The following XXYLT1 variants were observed in gnomAD, a reference collection of about 807,000 sequenced individuals.
The protein encoded by XXYLT1 is xyloside xylosyltransferase 1.
A neutral mutation model predicts 28.9 loss-of-function variants in XXYLT1; 20 were observed. That is an observed-to-expected ratio of 0.69 (90% CI 0.49 to 1.00). XXYLT1 has a LOEUF of 1.00. Among genes scored for constraint, XXYLT1 ranks in the 50% least tolerant of loss-of-function variants. XXYLT1 has a pLI of 0.00. For synonymous variants in XXYLT1, 257 were observed against 253.8 expected, an observed-to-expected ratio of 1.01 and a Z score of -0.12; for missense variants, 542 against 560.1, an observed-to-expected ratio of 0.97 and a Z score of 0.33.
chr3:195,224,711 C>T (rs1329568429), intron 2 of XXYLT1, among the ~76,000 whole-genome samples: 1 of 152,134 alleles, frequency 6.6e-6, no homozygotes, highest in Non-Finnish European at 1.5e-5. Flanking sequence ...GGAGGGCAGG[C>T]GTGCCTCCCC....
intron 2 of XXYLT1, among the ~76,000 whole-genome samples, chr3:195,205,094 T>C (rs1362868507): frequency 6.6e-6 from 1 of 152,242 alleles, no homozygotes; most frequent in Non-Finnish European, 1.5e-5. Flanking sequence ...TGCCAAACTC[T>C]GGCAAATCGC....
In XXYLT1 at chr3:195,249,590, G is replaced by A. The variant is rs143807289; in HGVS notation, c.504+20965C>T. On this transcript the variant is annotated intron_variant, in intron 1 of 3. Transcript: ENST00000310380. ...CCAGAGAGGGGAAGGTCCCTGCCCA[G>A]GGTGACTAGGTCGATGGCCAAAGCC... Among the ~76,000 whole-genome samples the A allele has an allele frequency of 3.4e-3, 521 of 152,338 alleles. 3 individuals are homozygous for A. Among genetic ancestry groups the A allele is most frequent in the African/African-American group, 0.012 (484 of 41,580 alleles).
At chr3:195,249,074 G>T (rs1725148870) in intron 1 of XXYLT1, among the ~76,000 whole-genome samples, 1 of 152,236 alleles carries the variant, frequency 6.6e-6, no homozygotes, top group African/African-American at 2.4e-5. Context: ...ATGCAGGAAG[G>T]AAACATGCAG....
chr3:195,163,005 T>C (rs1720950691), intron 2 of XXYLT1, among the ~76,000 whole-genome samples: 1 of 151,864 alleles, frequency 6.6e-6, no homozygotes, highest in Non-Finnish European at 1.5e-5. Flanking sequence ...TTTTTTTTTG[T>C]CTCTAAAAGC....
At chr3:195,079,039 G>A (rs147365827) in intron 3 of XXYLT1, among the ~76,000 whole-genome samples, 3 of 152,300 alleles carry the variant, frequency 2.0e-5, no homozygotes, top group Non-Finnish European at 4.4e-5. Context: ...CTGCTCATCA[G>A]ACCCTTGGAA....
chr3:195,181,698 G>A (rs975236561), intron 2 of XXYLT1, among the ~76,000 whole-genome samples: 1 of 152,148 alleles, frequency 6.6e-6, no homozygotes, highest in African/African-American at 2.4e-5. Flanking sequence ...GGGCCCAAGT[G>A]GTTAAGTGCC....
rs146611852 is a variant in XXYLT1, at chr3:195,247,942, C to T, written c.505-21086G>A. ...TCACGAGAAGAGCAGGGAGGAAGTC[C>T]CGCCCCTGTGGTCCAATCACCTCCC... On this transcript the variant is annotated intron_variant, in intron 1 of 3. Coordinates refer to ENST00000310380, the MANE Select transcript of XXYLT1 (RefSeq NM_152531.5). The T allele has an allele frequency of 8.4e-3, 4,953 of 589,956 alleles. 34 individuals are homozygous for T. Among genetic ancestry groups the T allele is most frequent in the Middle Eastern group, 0.019 (50 of 2,640 alleles). The allele number at this position is 589,956 out of a possible 1,614,324, so 36.5% of individuals were successfully genotyped here.
intron 3 of XXYLT1, among the ~76,000 whole-genome samples, chr3:195,082,018 T>C (rs1298338910): frequency 2.6e-5 from 4 of 152,238 alleles, no homozygotes; most frequent in African/African-American, 7.2e-5. Flanking sequence ...ACTCCAACGA[T>C]TGATGATGTC....
At chr3:195,136,161 C>T (rs1245625657) in intron 3 of XXYLT1, among the ~76,000 whole-genome samples, 1 of 152,116 alleles carries the variant, frequency 6.6e-6, no homozygotes, top group African/African-American at 2.4e-5. Context: ...TGGAGAGAGC[C>T]CCACACGTCA....
intron 3 of XXYLT1, among the ~76,000 whole-genome samples, chr3:195,142,837 C>T (rs548552829): frequency 7.9e-5 from 12 of 152,346 alleles, no homozygotes; most frequent in South Asian, 4.1e-4. Context: ...TGCCACATCA[C>T]GCCCAGGCTG....
intron 1 of XXYLT1, among the ~76,000 whole-genome samples, chr3:195,268,438 A>C (rs1404931552): frequency 6.6e-6 from 1 of 151,858 alleles, no homozygotes; most frequent in Non-Finnish European, 1.5e-5. Context: ...TCTCAAAAAA[A>C]AAAAAACAAA....
intron 2 of XXYLT1, among the ~76,000 whole-genome samples, chr3:195,225,065 G>A (rs572120441): frequency 6.6e-6 from 1 of 152,328 alleles, no homozygotes; most frequent in African/African-American, 2.4e-5. Flanking sequence ...TTCCAACCCT[G>A]GCTCTGCCAC....
chr3:195,130,362 C>G (rs577323977), intron 3 of XXYLT1, among the ~76,000 whole-genome samples: 1 of 152,322 alleles, frequency 6.6e-6, no homozygotes, highest in South Asian at 2.1e-4. Context: ...AACTGCTAGG[C>G]AGGTCTGGGC....
intron 3 of XXYLT1, among the ~76,000 whole-genome samples, chr3:195,137,577 C>A (rs556529745): frequency 5.3e-5 from 8 of 152,344 alleles, no homozygotes; most frequent in Admixed American, 2.6e-4. Context: ...CACTCCCTTT[C>A]TAGGCCAGGA....
At chr3:195,109,684 A>G (rs988826078) in intron 3 of XXYLT1, among the ~76,000 whole-genome samples, 4 of 22,856 alleles carry the variant, frequency 1.8e-4, no homozygotes, top group East Asian at 7.4e-4. Flanking sequence ...GTGTTGTATG[A>G]GTGTGTGTGG....
intron 3 of XXYLT1, among the ~76,000 whole-genome samples, chr3:195,119,637 C>T (rs1057346919): frequency 2.0e-5 from 3 of 147,334 alleles, no homozygotes; most frequent in South Asian, 2.1e-4. Context: ...CTACATTCCA[C>T]GACAATGAGC....
intron 2 of XXYLT1, among the ~76,000 whole-genome samples, chr3:195,162,881 G>A (rs1444813099): frequency 2.0e-5 from 3 of 152,232 alleles, no homozygotes; most frequent in Non-Finnish European, 4.4e-5. Flanking sequence ...TCAATACACA[G>A]GGGAAATGGA....
intron 2 of XXYLT1, among the ~76,000 whole-genome samples, chr3:195,207,262 A>C (rs1723113975): frequency 6.6e-6 from 1 of 152,198 alleles, no homozygotes; most frequent in Non-Finnish European, 1.5e-5. Flanking sequence ...AGTTGGTGGC[A>C]CTGCAGATGG....
chr3:195,269,595 G>A (rs758884292), intron 1 of XXYLT1, among the ~76,000 whole-genome samples: 1 of 152,198 alleles, frequency 6.6e-6, no homozygotes, highest in African/African-American at 2.4e-5. Context: ...AGGCAACAAG[G>A]AGCTATCAGA....
Sources: gnomAD v4.1 joint callset for allele counts (sites outside exome capture counted in the v4.1 genomes callset) on GRCh38, gnomAD v4.1.1 for gene constraint, MANE v1.5 for transcripts, NCBI Gene and HGNC (gene_info 2026-07-23, HGNC 2026-07-21) for gene names.